The following INVS variants were observed in gnomAD, a reference collection of about 807,000 sequenced individuals.
INVS encodes inversion of embryo turning homolog.
Under a neutral mutation model 108.8 loss-of-function variants are expected in INVS, and 86 were observed. The observed-to-expected ratio is 0.79, with a 90% CI of 0.66 to 0.95. The LOEUF (loss-of-function observed/expected upper bound fraction) is 0.95, where lower values mean the gene tolerates loss of function less well. Ranked by LOEUF, INVS falls within the 40% of genes least tolerant of loss-of-function variation. INVS has a pLI of 0.00. For missense variants in INVS, 1,169 were observed against 1,297.4 expected, an observed-to-expected ratio of 0.90 and a Z score of 1.52; for synonymous variants, 455 against 473.5, an observed-to-expected ratio of 0.96 and a Z score of 0.51.
intron 6 of INVS, among the ~76,000 whole-genome samples, chr9:100,241,796 C>G (rs964370151): frequency 2.4e-4 from 37 of 152,190 alleles, no homozygotes; most frequent in African/African-American, 8.0e-4. Flanking sequence ...CTCTGCTTGG[C>G]TTTTATGCAG....
At chr9:100,201,006 A>G (rs937408523) in intron 3 of INVS, among the ~76,000 whole-genome samples, 2 of 152,238 alleles carry the variant, frequency 1.3e-5, no homozygotes, top group Admixed American at 6.5e-5. Flanking sequence ...AAAAGACAAT[A>G]CTGTCAAGCA....
intron 1 of INVS, 23 bp from the exon 2 acceptor site, chr9:100,104,475 C>A: frequency 7.7e-7 from 1 of 1,301,960 alleles, no homozygotes; most frequent in Non-Finnish European, 1.1e-6. Flanking sequence ...TGCATGCGCT[C>A]ATTGTCTGAA....
intron 3 of INVS, among the ~76,000 whole-genome samples, chr9:100,162,247 T>C (rs1270786563): frequency 6.6e-6 from 1 of 152,208 alleles, no homozygotes; most frequent in Admixed American, 6.5e-5. Context: ...TTTGTATCAT[T>C]AATACACATT....
intron 5 of INVS, among the ~76,000 whole-genome samples, chr9:100,230,591 T>G (rs989571374): frequency 8.5e-5 from 13 of 152,220 alleles, no homozygotes; most frequent in African/African-American, 2.9e-4. Flanking sequence ...TGATCTCGGC[T>G]TACTGCAGCC....
intron 3 of INVS, among the ~76,000 whole-genome samples, chr9:100,217,048 C>T (rs758041362): frequency 2.6e-5 from 4 of 152,166 alleles, no homozygotes; most frequent in Admixed American, 6.5e-5. Flanking sequence ...GTGGCTCATG[C>T]CTGTAATCCC....
At chr9:100,169,853 C>T (rs1004788280) in intron 3 of INVS, among the ~76,000 whole-genome samples, 1 of 152,126 alleles carries the variant, frequency 6.6e-6, no homozygotes, top group African/African-American at 2.4e-5. Flanking sequence ...TTTGAAATAA[C>T]TTCAAAAAAT....
At chr9:100,231,434 T>A (rs568158285) in intron 5 of INVS, among the ~76,000 whole-genome samples, 28 of 152,270 alleles carry the variant, frequency 1.8e-4, no homozygotes, top group Admixed American at 1.8e-3. Context: ...GGTATACATG[T>A]GCCATGGTGG....
At chr9:100,219,635 A>G (rs1041208586) in intron 3 of INVS, among the ~76,000 whole-genome samples, 2 of 152,220 alleles carry the variant, frequency 1.3e-5, no homozygotes, top group African/African-American at 4.8e-5. Flanking sequence ...ACCAGGAGAT[A>G]TGTATGAGAA....
chr9:100,164,783 CAT>C (rs774576976), intron 3 of INVS, among the ~76,000 whole-genome samples: 12 of 151,990 alleles, frequency 7.9e-5, no homozygotes, highest in African/African-American at 2.2e-4. Flanking sequence ...TTTATTTACA[CAT>C]GTTTGAATTG....
intron 3 of INVS, among the ~76,000 whole-genome samples, chr9:100,207,921 A>T (rs1830722480): frequency 6.6e-6 from 1 of 152,252 alleles, no homozygotes; most frequent in African/African-American, 2.4e-5. Context: ...GGGAGATACT[A>T]AAATATTGAT....
chr9:100,100,958 T>TATGC (rs1826944835), intron 1 of INVS, among the ~76,000 whole-genome samples: 1 of 36,778 alleles, frequency 2.7e-5, no homozygotes, highest in African/African-American at 1.2e-4. Context: ...ATATATATTA[T>TATGC]ATATATAATA....
intron 3 of INVS, among the ~76,000 whole-genome samples, chr9:100,198,136 C>G (rs1213976331): frequency 6.6e-6 from 1 of 151,938 alleles, no homozygotes; most frequent in African/African-American, 2.4e-5. Flanking sequence ...CAATAATATC[C>G]TTAGGTATTA....
chr9:100,280,771 G>C (rs1403300536), intron 12 of INVS, among the ~76,000 whole-genome samples: 1 of 152,122 alleles, frequency 6.6e-6, no homozygotes, highest in African/African-American at 2.4e-5. Flanking sequence ...GAATCTAAGA[G>C]CTAAGGACTA....
rs7862162 is a variant in INVS at position 100,287,939 on chromosome 9, G to T, written c.2068+3336G>T. ...AGATGTGGTTCAGGTTCACCAGCTG[G>T]GACTCTTTCTGATTCAGAGACCAAT... On this transcript the variant is annotated intron_variant, in intron 13 of 16. Transcript: ENST00000262457. Among the ~76,000 whole-genome samples, 1,132 of 152,038 alleles carry T rather than the reference G, an allele frequency of 7.4e-3. 10 individuals are homozygous for T. The highest frequency in any genetic ancestry group is 0.025 in the African/African-American group (1,029 of 41,454).
chr9:100,217,006 T>G (rs1326539946), intron 3 of INVS, among the ~76,000 whole-genome samples: 2 of 152,046 alleles, frequency 1.3e-5, no homozygotes, highest in African/African-American at 2.4e-5. Context: ...TCCTTACTCT[T>G]CAAGAAAACT....
chr9:100,127,873 C>T (rs1269240655), intron 3 of INVS, among the ~76,000 whole-genome samples: 1 of 152,064 alleles, frequency 6.6e-6, no homozygotes, highest in Non-Finnish European at 1.5e-5. Context: ...GGCTTGTCAG[C>T]TAATGAAATT....
intron 3 of INVS, among the ~76,000 whole-genome samples, chr9:100,148,257 A>C (rs886283988): frequency 6.6e-6 from 1 of 152,206 alleles, no homozygotes; most frequent in Non-Finnish European, 1.5e-5. Context: ...AAAATAATTT[A>C]TCCAGAGTGA....
chr9:100,279,387 A>G (rs1036814000), intron 12 of INVS, among the ~76,000 whole-genome samples: 39 of 152,178 alleles, frequency 2.6e-4, no homozygotes, highest in African/African-American at 8.2e-4. Flanking sequence ...CCAAGCCCAT[A>G]CTAGAGGCTG....
intron 12 of INVS, among the ~76,000 whole-genome samples, chr9:100,278,363 T>C (rs746424710): frequency 8.5e-5 from 13 of 152,158 alleles, no homozygotes; most frequent in Non-Finnish European, 1.8e-4. Flanking sequence ...ATTCTTCATA[T>C]GCAGCCTTTT....
Sources: allele counts gnomAD v4.1 joint callset (sites outside exome capture counted in the v4.1 genomes callset), GRCh38; gene constraint gnomAD v4.1.1; transcripts MANE v1.5; gene names NCBI Gene and HGNC (gene_info 2026-07-23, HGNC 2026-07-21).